Variants in MID1 observed in about 807,000 individuals in gnomAD.
MID1 encodes midline 1, also known as E3 ubiquitin-protein ligase Midline-1.
MID1 carries 7 observed loss-of-function variants against 40.4 expected under a neutral mutation model. The ratio of observed to expected loss-of-function variants is 0.17; its 90% CI spans 0.10 to 0.33. The LOEUF (loss-of-function observed/expected upper bound fraction) is 0.33. Ranked by LOEUF, MID1 falls within the 10% of genes least tolerant of loss-of-function variation. The pLI is 1.00. For missense variants in MID1, 367 were observed against 558.5 expected, an observed-to-expected ratio of 0.66 and a Z score of 3.46; for synonymous variants, 229 against 221.2, an observed-to-expected ratio of 1.04 and a Z score of -0.31.
intron 1 of MID1, among the ~76,000 whole-genome samples, chrX:10,637,997 C>T (rs149702984): frequency 0.014 from 1,617 of 111,945 alleles, 28 homozygotes; most frequent in African/African-American, 0.046. Flanking sequence ...AGAGTAATGT[C>T]GGCAAATACA....
chrX:10,635,408 A>T (rs1372787392), intron 1 of MID1, among the ~76,000 whole-genome samples: 1 of 112,264 alleles, frequency 8.9e-6, no homozygotes. Context: ...GTTTCATGGT[A>T]TCTCAAGAAT....
At chrX:10,786,029 C>T (rs2043880217) in intron 1 of MID1, among the ~76,000 whole-genome samples, 1 of 111,414 alleles carries the variant, frequency 9.0e-6, no homozygotes, top group South Asian at 3.7e-4. Flanking sequence ...AGTGAACAGG[C>T]AACCTACAGA....
At chrX:10,664,475 C>T (rs931913977) in intron 1 of MID1, among the ~76,000 whole-genome samples, 3 of 112,038 alleles carry the variant, frequency 2.7e-5, no homozygotes, top group Non-Finnish European at 3.8e-5. Flanking sequence ...CAGCAATATG[C>T]TACGTTTTAT....
intron 1 of MID1, among the ~76,000 whole-genome samples, chrX:10,771,646 C>T (rs2043770445): frequency 9.5e-6 from 1 of 104,847 alleles, no homozygotes; most frequent in African/African-American, 3.5e-5. Flanking sequence ...CGCCTGACAC[C>T]ATGCCTGGCT....
intron 5 of MID1, among the ~76,000 whole-genome samples, chrX:10,481,268 A>G (rs1041213622): frequency 1.8e-5 from 2 of 111,763 alleles, no homozygotes; most frequent in Non-Finnish European, 1.9e-5. Context: ...ATCAGCATGC[A>G]TGAGCTCTCT....
intron 1 of MID1, among the ~76,000 whole-genome samples, chrX:10,804,296 T>C (rs2044028880): frequency 8.9e-6 from 1 of 112,592 alleles, no homozygotes; most frequent in Non-Finnish European, 1.9e-5. Flanking sequence ...GCTTGCTTTA[T>C]CTCTTCAGAT....
At chrX:10,706,263 G>T (rs1029883070) in intron 1 of MID1, among the ~76,000 whole-genome samples, 1 of 111,145 alleles carries the variant, frequency 9.0e-6, no homozygotes. Context: ...AAAAATTAGG[G>T]AACCTCTACT....
chrX:10,560,319 G>A (rs1934284171), intron 2 of MID1, among the ~76,000 whole-genome samples: 1 of 111,408 alleles, frequency 9.0e-6, no homozygotes, highest in African/African-American at 3.3e-5. Context: ...CACAAGACAA[G>A]GATGCCCTCT....
At chrX:10,469,265 T>TAG in intron 7 of MID1, 1 of 760,539 alleles carries the variant, frequency 1.3e-6, no homozygotes, top group African/African-American at 2.2e-5. Flanking sequence ...GTATTTTTTG[T>TAG]AGAGATGGGG....
At chrX:10,660,827 A>G (rs1183683439) in intron 1 of MID1, among the ~76,000 whole-genome samples, 1 of 112,094 alleles carries the variant, frequency 8.9e-6, no homozygotes, top group Non-Finnish European at 1.9e-5. Context: ...AAATATGCAG[A>G]ATACATTTTA....
At chrX:10,657,754 G>A (rs2042884644) in intron 1 of MID1, among the ~76,000 whole-genome samples, 1 of 112,338 alleles carries the variant, frequency 8.9e-6, no homozygotes, top group African/African-American at 3.2e-5. Context: ...TCGTCCAAAA[G>A]CAAAGTACAA....
intron 1 of MID1, among the ~76,000 whole-genome samples, chrX:10,721,858 C>A (rs1220048783): frequency 9.0e-6 from 1 of 110,716 alleles, no homozygotes; most frequent in Non-Finnish European, 1.9e-5. Flanking sequence ...CGCTTGAGGC[C>A]AGGAGTTTAA....
chrX:10,709,667 G>A (rs921519067), intron 1 of MID1, among the ~76,000 whole-genome samples: 1 of 112,169 alleles, frequency 8.9e-6, no homozygotes, highest in East Asian at 2.8e-4. Flanking sequence ...TCACTTACGT[G>A]GTACAGAATT....
intron 1 of MID1, among the ~76,000 whole-genome samples, chrX:10,832,476 C>T (rs1313532095): frequency 8.9e-6 from 1 of 112,178 alleles, no homozygotes; most frequent in Non-Finnish European, 1.9e-5. Flanking sequence ...CTTTGTGCCA[C>T]TTGTTGCAGT....
intron 1 of MID1, among the ~76,000 whole-genome samples, chrX:10,743,919 G>C (rs1412163403): frequency 9.0e-6 from 1 of 111,604 alleles, no homozygotes; most frequent in Non-Finnish European, 1.9e-5. Context: ...TCATCATTTT[G>C]AGACTGAAAA....
At chrX:10,651,271 T>A (rs1037778666) in intron 1 of MID1, among the ~76,000 whole-genome samples, 7 of 111,595 alleles carry the variant, frequency 6.3e-5, no homozygotes, top group Non-Finnish European at 5.6e-5. Flanking sequence ...TCACCCATAC[T>A]TTATTGGCTT....
At chrX:10,479,512 C>T (rs1930202728) in intron 5 of MID1, among the ~76,000 whole-genome samples, 1 of 111,135 alleles carries the variant, frequency 9.0e-6, no homozygotes, top group Non-Finnish European at 1.9e-5. Flanking sequence ...ACTTCCCAGC[C>T]TCTGGTAACC....
chrX:10,723,661 C>T (rs2043372130), intron 1 of MID1, among the ~76,000 whole-genome samples: 2 of 112,795 alleles, frequency 1.8e-5, no homozygotes, highest in Admixed American at 1.9e-4. Flanking sequence ...ACGCCATTCT[C>T]CTGCCTCAGC....
chrX:10,627,491 T>C (rs759050079), intron 1 of MID1, among the ~76,000 whole-genome samples: 1 of 112,303 alleles, frequency 8.9e-6, no homozygotes, highest in South Asian at 3.7e-4. Context: ...ACCTTAATAA[T>C]TCATTAGAGT....
Sources: allele counts gnomAD v4.1 joint callset (sites outside exome capture counted in the v4.1 genomes callset), GRCh38; gene constraint gnomAD v4.1.1; transcripts MANE v1.5; gene names NCBI Gene and HGNC (gene_info 2026-07-23, HGNC 2026-07-21).